Variants in WLS observed in about 807,000 individuals in gnomAD.
WLS encodes the protein protein wntless homolog.
WLS carries 23 observed loss-of-function variants against 62.8 expected under a neutral mutation model. The ratio of observed to expected loss-of-function variants is 0.37; its 90% CI spans 0.26 to 0.52. WLS has a LOEUF of 0.52. Among genes scored for constraint, WLS ranks in the 20% least tolerant of loss-of-function variants. The pLI is 0.92. For synonymous variants in WLS, 246 were observed against 244.1 expected (o/e 1.01, Z -0.07); for missense variants, 615 against 697.3 (o/e 0.88, Z 1.33).
chr1:68,223,201 G>A (rs1439350435), intron 1 of WLS, among the ~76,000 whole-genome samples: 2 of 152,210 alleles, frequency 1.3e-5, no homozygotes, highest in Non-Finnish European at 2.9e-5. Context: ...AAGCATGAGA[G>A]ATTCTCTTGG....
chr1:68,101,131 T>A (rs754264617), intron 11 of WLS, among the ~76,000 whole-genome samples: 125 of 152,182 alleles, frequency 8.2e-4, no homozygotes, highest in Non-Finnish European at 1.4e-3. Flanking sequence ...AACCTTTTGT[T>A]AGAAGTAAAG....
At chr1:68,163,459 G>T (rs1329569494) in intron 2 of WLS, among the ~76,000 whole-genome samples, 4 of 151,980 alleles carry the variant, frequency 2.6e-5, no homozygotes, top group Non-Finnish European at 4.4e-5. Flanking sequence ...GCGCAGCATG[G>T]CTCCCTTTTC....
downstream of WLS, among the ~76,000 whole-genome samples, chr1:68,120,823 T>C (rs971696788): frequency 6.6e-6 from 1 of 152,190 alleles, no homozygotes; most frequent in African/African-American, 2.4e-5. Context: ...TATTTGTAAA[T>C]TCTCTAGCAA....
At chr1:68,108,146 T>C (rs75639833) in intron 11 of WLS, among the ~76,000 whole-genome samples, 4,569 of 152,266 alleles carry the variant, frequency 0.03, 213 homozygotes, top group African/African-American at 0.11. Context: ...ACAATAGCTC[T>C]GTGCTGTGGG....
At chr1:68,114,618 C>T (rs897580617) in intron 11 of WLS, among the ~76,000 whole-genome samples, 2 of 152,148 alleles carry the variant, frequency 1.3e-5, no homozygotes, top group Middle Eastern at 3.2e-3. Flanking sequence ...CTTCTGAGAC[C>T]TAGGTGACAG....
chr1:68,209,968 A>G (rs1038461477), intron 1 of WLS, among the ~76,000 whole-genome samples: 1 of 152,182 alleles, frequency 6.6e-6, no homozygotes, highest in Non-Finnish European at 1.5e-5. Context: ...CCTGATGAGA[A>G]AAACTAATGC....
chr1:68,141,696 T>G (rs1176450774), intron 10 of WLS: 2 of 152,184 alleles, frequency 1.3e-5, no homozygotes, highest in Admixed American at 1.3e-4. Context: ...AATACATTCC[T>G]TTTACCTAAG....
intron 11 of WLS, among the ~76,000 whole-genome samples, chr1:68,136,969 TA>T (rs1162202239): frequency 2.0e-5 from 3 of 152,056 alleles, no homozygotes; most frequent in Non-Finnish European, 2.9e-5. Context: ...ATGGCTAGAG[TA>T]AAGCAGGTGT....
In WLS at chr1:68,155,202, C is replaced by G; in HGVS notation, c.563G>C (p.Gly188Ala). ...ECDVLPFMEIGSVAHKFYLLN... is the reference protein window; with the variant it reads ...ECDVLPFMEIASVAHKFYLLN... ...AAGGTAAAACTTATGGGCCACAGAC[C>G]CAATTTCCATGAAAGGAAGGACATC... The change falls in exon 4 of 12, where the codon GGG becomes GCG. Residue 188 changes from glycine (G) to alanine (A), a missense_variant. Physicochemically the swap from Gly to Ala is moderately conservative, Grantham distance 60. Transcript: ENST00000262348. The G allele has an allele frequency of 1.2e-6, 2 of 1,613,860 alleles. No homozygotes were observed. The highest frequency in any genetic ancestry group is 1.1e-5 in the South Asian group (1 of 91,014).
intron 2 of WLS, among the ~76,000 whole-genome samples, chr1:68,179,848 C>T (rs1440946950): frequency 6.6e-6 from 1 of 152,186 alleles, no homozygotes; most frequent in Admixed American, 6.5e-5. Flanking sequence ...CATGGCTTTT[C>T]AGTTTAAGTG....
intron 1 of WLS, among the ~76,000 whole-genome samples, chr1:68,204,934 A>C (rs1649219953): frequency 6.6e-6 from 1 of 152,220 alleles, no homozygotes; most frequent in Non-Finnish European, 1.5e-5. Flanking sequence ...TTGTGCCACT[A>C]AGCACAGAAA....
At chr1:68,193,179 G>C (rs1304665717) in intron 2 of WLS, among the ~76,000 whole-genome samples, 6 of 151,286 alleles carry the variant, frequency 4.0e-5, no homozygotes, top group Non-Finnish European at 5.9e-5. Flanking sequence ...CCTAGACAGA[G>C]CTGCCTTTAA....
intron 11 of WLS, among the ~76,000 whole-genome samples, chr1:68,102,083 C>T (rs1258481768): frequency 1.3e-5 from 2 of 152,100 alleles, no homozygotes; most frequent in African/African-American, 4.8e-5. Context: ...TCCTGGGAAG[C>T]AAGGGCAAGT....
At chr1:68,163,322 C>T (rs528883378) in intron 2 of WLS, among the ~76,000 whole-genome samples, 2 of 152,312 alleles carry the variant, frequency 1.3e-5, no homozygotes, top group African/African-American at 2.4e-5. Context: ...ACCCTCGTCC[C>T]GGACGGTCAG....
At chr1:68,123,426 C>T (rs888657555), downstream of WLS, among the ~76,000 whole-genome samples, 2 of 151,992 alleles carry the variant, frequency 1.3e-5, no homozygotes, top group Non-Finnish European at 2.9e-5. Flanking sequence ...GTCTGGCTCA[C>T]CACTCTTGGT....
chr1:68,122,539 T>C (rs1334901814), downstream of WLS, among the ~76,000 whole-genome samples: 3 of 150,872 alleles, frequency 2.0e-5, no homozygotes. Flanking sequence ...TTTATTTGTT[T>C]GTTGTAAGTA....
chr1:68,103,063 C>A (rs1414361918), intron 11 of WLS, among the ~76,000 whole-genome samples: 1 of 152,182 alleles, frequency 6.6e-6, no homozygotes, highest in Admixed American at 6.5e-5. Context: ...TGGACCGGAA[C>A]CTGCACGTAG....
At chr1:68,166,850 A>G (rs901673780) in intron 2 of WLS, among the ~76,000 whole-genome samples, 3 of 152,228 alleles carry the variant, frequency 2.0e-5, no homozygotes, top group Non-Finnish European at 4.4e-5. Context: ...TGAAGACGCC[A>G]TAACTCAGAA....
At chr1:68,159,775 G>A (rs964001820) in intron 2 of WLS, among the ~76,000 whole-genome samples, 2 of 152,108 alleles carry the variant, frequency 1.3e-5, no homozygotes, top group African/African-American at 4.8e-5. Context: ...ACTTATTCCC[G>A]AAAGTTCTCA....
Sources: allele counts gnomAD v4.1 joint callset (sites outside exome capture counted in the v4.1 genomes callset), GRCh38; gene constraint gnomAD v4.1.1; transcripts MANE v1.5; gene names NCBI Gene and HGNC (gene_info 2026-07-23, HGNC 2026-07-21).